Variants in NBEA observed in about 807,000 individuals in gnomAD.
NBEA encodes the protein neurobeachin.
NBEA carries 44 observed loss-of-function variants against 343.4 expected under a neutral mutation model. That is an observed-to-expected ratio of 0.13 (90% confidence interval 0.10 to 0.16). NBEA has a LOEUF of 0.16. Ranked by LOEUF, NBEA falls within the 10% of genes least tolerant of loss-of-function variation. The probability of loss-of-function intolerance (pLI) is 1.00; values close to 1 mark genes in which losing one functional copy is unlikely to be tolerated. For missense variants in NBEA, 2,555 were observed against 3,631.3 expected (o/e 0.70, Z 7.62); for synonymous variants, 1,175 against 1,238.7 (o/e 0.95, Z 1.08).
chr13:34,997,964 T>A (rs1377126618), intron 1 of NBEA, among the ~76,000 whole-genome samples: 1 of 151,926 alleles, frequency 6.6e-6, no homozygotes. Context: ...TTAGGAGGTA[T>A]TTTTTTTATG....
At chr13:35,333,017 C>G (rs1029771568) in intron 36 of NBEA, among the ~76,000 whole-genome samples, 3 of 152,026 alleles carry the variant, frequency 2.0e-5, no homozygotes, top group Admixed American at 2.0e-4. Flanking sequence ...AGAATCTAGC[C>G]TGGAACTATC....
At chr13:35,668,224 C>G in intron 57 of NBEA, 144 bp from the exon 58 acceptor site, 1 of 638,944 alleles carries the variant, frequency 1.6e-6, no homozygotes, top group Non-Finnish European at 2.5e-6. Flanking sequence ...AAATGACTGA[C>G]AGTAGGCAAT....
chr13:35,672,387 T>C lies in NBEA; in HGVS notation c.*1396T>C, dbSNP rs972851854. 2 of 152,694 alleles carry C rather than the reference T, an allele frequency of 1.3e-5. No individual in the cohort carries two copies. The highest frequency in any genetic ancestry group is 4.8e-5 in the African/African-American group (2 of 41,464). 9.5% of individuals were successfully genotyped at this position (152,694 alleles called of 1,614,324 possible). ...GCACCAGAAACATATCATTATTTAT[T>C]GATGTGATTACTTATTTGTTATCCA... On this transcript the variant is annotated 3_prime_UTR_variant, in exon 59 of 59. Transcript: ENST00000379939.
At chr13:35,440,590 G>A (rs1415536728) in intron 39 of NBEA, among the ~76,000 whole-genome samples, 1 of 152,138 alleles carries the variant, frequency 6.6e-6, no homozygotes, top group East Asian at 1.9e-4. Context: ...ACAACATAAT[G>A]TATTCAAGGA....
intron 17 of NBEA, among the ~76,000 whole-genome samples, chr13:35,141,167 G>A (rs557503200): frequency 6.6e-6 from 1 of 152,304 alleles, no homozygotes; most frequent in Admixed American, 6.5e-5. Flanking sequence ...TACTTTGTCA[G>A]GCTGTGTCAC....
intron 1 of NBEA, among the ~76,000 whole-genome samples, chr13:34,968,549 G>A (rs1476063041): frequency 6.6e-6 from 1 of 152,104 alleles, no homozygotes; most frequent in Non-Finnish European, 1.5e-5. Flanking sequence ...TAAATTATAC[G>A]ATAGGCAGCC....
chr13:34,960,806 A>G (rs2059637941), intron 1 of NBEA, among the ~76,000 whole-genome samples: 1 of 152,118 alleles, frequency 6.6e-6, no homozygotes, highest in Admixed American at 6.6e-5. Context: ...AACAAAATCA[A>G]CTAATGACAC....
At chr13:35,647,583 T>C (rs780457637) in intron 51 of NBEA, among the ~76,000 whole-genome samples, 1 of 152,294 alleles carries the variant, frequency 6.6e-6, no homozygotes, top group South Asian at 2.1e-4. Flanking sequence ...GTTGTTGTTG[T>C]TTTGAGACAG....
intron 33 of NBEA, among the ~76,000 whole-genome samples, chr13:35,232,246 C>T (rs2075015445): frequency 6.6e-6 from 1 of 152,090 alleles, no homozygotes; most frequent in Non-Finnish European, 1.5e-5. Flanking sequence ...AGTCTTTGGC[C>T]CTTTCGGGTG....
intron 41 of NBEA, among the ~76,000 whole-genome samples, chr13:35,472,798 T>TA (rs961647448): frequency 4.6e-5 from 7 of 152,252 alleles, no homozygotes; most frequent in Admixed American, 3.3e-4. Context: ...ATTTGGTAGT[T>TA]AAGCCAATTG....
At chr13:35,403,764 TTAAAC>T (rs2043116024) in intron 38 of NBEA, among the ~76,000 whole-genome samples, 1 of 151,876 alleles carries the variant, frequency 6.6e-6, no homozygotes, top group Non-Finnish European at 1.5e-5. Flanking sequence ...TGGGATCTAA[TTAAAC>T]TAAAGAGCTT....
intron 34 of NBEA, among the ~76,000 whole-genome samples, chr13:35,235,780 T>A (rs2075199600): frequency 6.6e-6 from 1 of 152,110 alleles, no homozygotes; most frequent in Admixed American, 6.5e-5. Context: ...TGAGAGTTAT[T>A]TTTTTTAGCT....
intron 41 of NBEA, among the ~76,000 whole-genome samples, chr13:35,507,675 A>C (rs918966322): frequency 8.5e-5 from 13 of 152,124 alleles, no homozygotes; most frequent in African/African-American, 2.9e-4. Context: ...GTCTCTTAGC[A>C]AGTCACATTA....
At chr13:35,233,549 G>C (rs2075081763) in intron 34 of NBEA, among the ~76,000 whole-genome samples, 1 of 152,130 alleles carries the variant, frequency 6.6e-6, no homozygotes, top group African/African-American at 2.4e-5. Flanking sequence ...ATTGGAGTCA[G>C]TGATACAGCA....
chr13:35,052,598 A>G (rs1003204647), intron 6 of NBEA, among the ~76,000 whole-genome samples: 1 of 151,808 alleles, frequency 6.6e-6, no homozygotes, highest in African/African-American at 2.4e-5. Context: ...ATCACTATGC[A>G]CACATAGTTT....
chr13:35,375,628 C>T (rs570818376), intron 38 of NBEA, among the ~76,000 whole-genome samples: 2 of 152,084 alleles, frequency 1.3e-5, no homozygotes, highest in Non-Finnish European at 2.9e-5. Context: ...AAGGGACATG[C>T]ATGATTATGT....
intron 41 of NBEA, among the ~76,000 whole-genome samples, chr13:35,524,500 A>G (rs575609859): frequency 5.3e-5 from 8 of 152,306 alleles, no homozygotes; most frequent in African/African-American, 1.9e-4. Context: ...TCCACAGGTT[A>G]TTTATTGCGG....
At chr13:35,605,435 A>T (rs1302653116) in intron 47 of NBEA, among the ~76,000 whole-genome samples, 1 of 152,108 alleles carries the variant, frequency 6.6e-6, no homozygotes, top group Non-Finnish European at 1.5e-5. Flanking sequence ...GGTGGTTTTA[A>T]TTTTTTCTAT....
At chr13:34,954,827 T>C (rs1229665436) in intron 1 of NBEA, among the ~76,000 whole-genome samples, 1 of 152,042 alleles carries the variant, frequency 6.6e-6, no homozygotes, top group Non-Finnish European at 1.5e-5. Context: ...CAAGAAAAAA[T>C]GTACATGTTC....
Sources: allele counts gnomAD v4.1 joint callset (sites outside exome capture counted in the v4.1 genomes callset), GRCh38; gene constraint gnomAD v4.1.1; transcripts MANE v1.5; gene names NCBI Gene and HGNC (gene_info 2026-07-23, HGNC 2026-07-21).